ELFN2: variants seen among roughly 807,000 people sequenced by gnomAD.
ELFN2 encodes the protein protein phosphatase 1 regulatory subunit 29.
ELFN2 carries 17 observed loss-of-function variants against 45.5 expected under a neutral mutation model. The observed-to-expected ratio is 0.37, with a 90% CI of 0.26 to 0.56. The LOEUF (loss-of-function observed/expected upper bound fraction) is 0.56, where lower values mean the gene tolerates loss of function less well. Among genes scored for constraint, ELFN2 ranks in the 20% least tolerant of loss-of-function variants. The pLI is 0.77. For missense variants in ELFN2, 922 were observed against 1,183.2 expected (o/e 0.78, Z 3.24); for synonymous variants, 550 against 551.5 (o/e 1.00, Z 0.04).
chr22:37,399,689 A>G (rs1451394123), intron 2 of ELFN2, among the ~76,000 whole-genome samples: 3 of 145,600 alleles, frequency 2.1e-5, no homozygotes, highest in African/African-American at 2.5e-5. Context: ...CACCTCTCCC[A>G]CCCCCACTGA....
At chr22:37,421,177 T>C (rs1317943592) in intron 1 of ELFN2, among the ~76,000 whole-genome samples, 19 of 152,110 alleles carry the variant, frequency 1.2e-4, no homozygotes. Context: ...AAACTACATG[T>C]CCAGACTCAT....
At position 37,375,789 on chromosome 22, in the gene ELFN2, G is replaced by C; in HGVS notation, c.-255C>G. On this transcript the variant is annotated 5_prime_UTR_variant, in exon 3 of 3. Coordinates refer to ENST00000402918, the MANE Select transcript of ELFN2 (RefSeq NM_052906.5). ...GCTCCCCACCGCAGCGTTGCTCCTTGTCTCCTGCTAGGAAGGTGCAAGGGT... is the reference window on the plus strand; with the variant it reads ...GCTCCCCACCGCAGCGTTGCTCCTTCTCTCCTGCTAGGAAGGTGCAAGGGT... The C allele has an allele frequency of 1.8e-6, 1 of 552,130 alleles. No individual in the cohort carries two copies. Among genetic ancestry groups the C allele is most frequent in the Non-Finnish European group, 3.3e-6 (1 of 306,148 alleles). The allele number at this position is 552,130 out of a possible 1,614,324, so 34.2% of individuals were successfully genotyped here. A position where few individuals can be genotyped will look rare whatever the true frequency, so the allele number is the denominator to read the frequency against.
chr22:37,396,285 C>T (rs1041336518), intron 2 of ELFN2, among the ~76,000 whole-genome samples: 28 of 152,236 alleles, frequency 1.8e-4, no homozygotes, highest in African/African-American at 5.5e-4. Flanking sequence ...ACACTCCTGG[C>T]TTTCTAGGTG....
intron 2 of ELFN2, among the ~76,000 whole-genome samples, chr22:37,414,738 A>G (rs739167): frequency 0.24 from 36,829 of 152,074 alleles, 7,324 homozygotes; most frequent in African/African-American, 0.55. Flanking sequence ...CAAACCCCAC[A>G]CTCCTGGCAG....
chr22:37,373,171 G>A lies in ELFN2; in HGVS notation c.2364C>T (p.Ala788=), dbSNP rs199734718. 106 of 1,613,808 alleles carry A rather than the reference G, an allele frequency of 6.6e-5. No individual in the cohort carries two copies. The highest frequency in any genetic ancestry group is 7.6e-5 in the Non-Finnish European group (90 of 1,179,990). The change falls in exon 3 of 3, where the codon GCC becomes GCT. Residue 788 remains alanine (A), a synonymous_variant. Coordinates refer to ENST00000402918, the MANE Select transcript of ELFN2 (RefSeq NM_052906.5). ...KHHREEVYMA[A]GHALRKKVQF... ...GGACCTTCTTGCGCAGGGCGTGACCGGCGGCCATGTACACCTCCTCCCGGT... is the reference window on the plus strand; with the variant it reads ...GGACCTTCTTGCGCAGGGCGTGACCAGCGGCCATGTACACCTCCTCCCGGT...
chr22:37,376,319 G>A (rs1347870113), intron 2 of ELFN2, among the ~76,000 whole-genome samples: 2 of 152,018 alleles, frequency 1.3e-5, no homozygotes, highest in Non-Finnish European at 2.9e-5. Flanking sequence ...GCACCCTGGA[G>A]GCCATGCTCA....
chr22:37,379,078 G>T (rs1364914621), intron 2 of ELFN2, among the ~76,000 whole-genome samples: 1 of 152,224 alleles, frequency 6.6e-6, no homozygotes, highest in African/African-American at 2.4e-5. Flanking sequence ...GCAGGGAGGA[G>T]GTGAGGACTG....
At chr22:37,355,806 C>T (rs1223334515) in intron 1 of ELFN2, among the ~76,000 whole-genome samples, 1 of 152,220 alleles carries the variant, frequency 6.6e-6, no homozygotes, top group Non-Finnish European at 1.5e-5. Flanking sequence ...AGTCCAGTCC[C>T]ATATCCACAG....
intron 2 of ELFN2, among the ~76,000 whole-genome samples, chr22:37,381,947 C>G (rs1931787464): frequency 1.0e-5 from 1 of 96,192 alleles, no homozygotes; most frequent in Non-Finnish European, 1.8e-5. Flanking sequence ...CAGAGTGAGA[C>G]TCCGTCTCAA....
At chr22:37,366,701 GTCC>G (rs1013846850), downstream of ELFN2, among the ~76,000 whole-genome samples, 88 of 152,312 alleles carry the variant, frequency 5.8e-4, no homozygotes, top group African/African-American at 2.0e-3. Flanking sequence ...GTGTCCCACC[GTCC>G]TCCTCCTCCT....
intron 1 of ELFN2, among the ~76,000 whole-genome samples, chr22:37,349,418 T>G (rs1395898101): frequency 6.6e-6 from 1 of 151,198 alleles, no homozygotes; most frequent in Admixed American, 6.6e-5. Flanking sequence ...CAGCCCGGCC[T>G]ACTTCTCAAG....
chr22:37,405,078 C>G (rs1932461405), intron 2 of ELFN2, among the ~76,000 whole-genome samples: 1 of 147,058 alleles, frequency 6.8e-6, no homozygotes, highest in Non-Finnish European at 1.5e-5. Context: ...CCTCACCTCC[C>G]TGAACCTCAG....
chr22:37,357,902 C>T (rs1429322019), intron 1 of ELFN2, among the ~76,000 whole-genome samples: 2 of 152,176 alleles, frequency 1.3e-5, no homozygotes, highest in Admixed American at 6.5e-5. Context: ...AGCGTGGCCA[C>T]CCCCTCCACA....
At chr22:37,346,066 C>T (rs571380631) in intron 1 of ELFN2, among the ~76,000 whole-genome samples, 21 of 152,324 alleles carry the variant, frequency 1.4e-4, no homozygotes, top group African/African-American at 4.8e-4. Context: ...TTGGTTTCTT[C>T]GTCATTAGGA....
At chr22:37,353,952 C>T (rs898810204) in intron 1 of ELFN2, 5 of 137,588 alleles carry the variant, frequency 3.6e-5, no homozygotes, top group African/African-American at 1.2e-4. Context: ...CAAGAAAAGA[C>T]GTGTGAAAGA....
rs1024724522 is a variant in ELFN2, at chr22:37,343,534, C to T, written n.149-831G>A. Among the ~76,000 whole-genome samples the T allele has an allele frequency of 1.9e-4, 29 of 152,104 alleles. 1 individual carries two copies. Among genetic ancestry groups the T allele is most frequent in the Non-Finnish European group, 4.1e-4 (28 of 67,998 alleles). On this transcript the variant is annotated intron_variant and non_coding_transcript_variant, in intron 1 of 2. Transcript: ENST00000452946. ...TCCACTGTCGGTTTCACGCCTCCTC[C>T]GCCTCCACCTTGGCCAGCTTCCCTC...
rs368464304 is a variant in ELFN2 at position 37,373,065 on chromosome 22, G to A, written c.*7C>T. On this transcript the variant is annotated 3_prime_UTR_variant, in exon 3 of 3. Transcript: ENST00000402918. The stretch of plus-strand genomic sequence containing the variant: ...GGCTCCGACCTCACCAGGGAGGAAG[G>A]GGGGGGTCACAGCTTCTGCTGGGCG... The A allele has an allele frequency of 9.2e-5, 146 of 1,581,694 alleles. No individual in the cohort carries two copies. In the South Asian group the frequency reaches 1.4e-3, roughly 15 times the overall value.
chr22:37,408,019 G>A (rs755602562), intron 2 of ELFN2, among the ~76,000 whole-genome samples: 6 of 152,216 alleles, frequency 3.9e-5, no homozygotes, highest in African/African-American at 7.2e-5. Flanking sequence ...CACACAGCGC[G>A]GGAGCTGGAT....
chr22:37,366,115 C>G (rs138904226), downstream of ELFN2, among the ~76,000 whole-genome samples: 3 of 152,150 alleles, frequency 2.0e-5, no homozygotes, highest in South Asian at 2.1e-4. Context: ...GAAGCAGATA[C>G]GCGACACTTA....
Sources: allele counts gnomAD v4.1 joint callset (sites outside exome capture counted in the v4.1 genomes callset), GRCh38; gene constraint gnomAD v4.1.1; transcripts MANE v1.5; gene names NCBI Gene and HGNC (gene_info 2026-07-23, HGNC 2026-07-21).